RAP1GAP2: variants seen among roughly 807,000 people sequenced by gnomAD.
RAP1GAP2 encodes rap1 GTPase-activating protein 2.
A neutral mutation model predicts 95.0 loss-of-function variants in RAP1GAP2; 27 were observed. The observed-to-expected ratio is 0.28, with a 90% CI of 0.21 to 0.39. The LOEUF is 0.39. RAP1GAP2 is among the 10% of genes least tolerant of loss of function. The pLI is 1.00. For missense variants in RAP1GAP2, 771 were observed against 970.0 expected (o/e 0.79, Z 2.72); for synonymous variants, 373 against 380.9 (o/e 0.98, Z 0.24).
Position 2,951,093 on chromosome 17 carries a change from G to C in RAP1GAP2, c.166-6666G>C, listed in dbSNP as rs537720080. 2.0e-4 allele frequency among the ~76,000 whole-genome samples: 31 copies of C among 152,348 alleles called. 1 individual carries two copies. The South Asian group carries it at 6.4e-3, about 32-fold the overall frequency. ...CTAAATCACTCTGCATGACCTTGCA[G>C]CCGAAGCCTGAGTTCTGGGGTTCAG... On this transcript the variant is annotated intron_variant, in intron 3 of 24. Coordinates refer to ENST00000254695, the MANE Select transcript of RAP1GAP2 (RefSeq NM_015085.5).
chr17:2,915,128 C>T (rs1375847487), intron 3 of RAP1GAP2, among the ~76,000 whole-genome samples: 5 of 152,022 alleles, frequency 3.3e-5, no homozygotes, highest in African/African-American at 7.3e-5. Flanking sequence ...CTCACTATGT[C>T]GCCCGGGTTG....
At position 3,026,018 on chromosome 17, in the gene RAP1GAP2, T is replaced by TCCAGCACAC; in HGVS notation, c.1766_1774dup (p.Ser589_Pro591dup). 1 of 1,612,706 alleles carries TCCAGCACAC rather than the reference T, an allele frequency of 6.2e-7. No individual in the cohort carries two copies. The highest frequency in any genetic ancestry group is 8.5e-7 in the Non-Finnish European group (1 of 1,178,842). ...TTTCCATTCCCTCAGTGACAGCACA[T>TCCAGCACAC]CCAGCACACCCAAGACCCCAGATGG... On this transcript the variant is annotated inframe_insertion, in exon 20 of 25. Coordinates refer to ENST00000254695, the MANE Select transcript of RAP1GAP2 (RefSeq NM_015085.5).
chr17:2,922,390 G>A (rs565085318), intron 3 of RAP1GAP2, among the ~76,000 whole-genome samples: 3 of 152,238 alleles, frequency 2.0e-5, no homozygotes, highest in Admixed American at 6.5e-5. Flanking sequence ...CCCTTTTTCC[G>A]AATAAGGTTA....
intron 8 of RAP1GAP2, among the ~76,000 whole-genome samples, chr17:2,966,159 A>T (rs2151495830): frequency 6.6e-6 from 1 of 152,238 alleles, no homozygotes; most frequent in Non-Finnish European, 1.5e-5. Flanking sequence ...CTGGATTGTG[A>T]CCTTCTCAAG....
intron 2 of RAP1GAP2, among the ~76,000 whole-genome samples, chr17:2,843,322 G>C (rs2071446309): frequency 6.7e-6 from 1 of 149,914 alleles, no homozygotes; most frequent in African/African-American, 2.5e-5. Flanking sequence ...GTCTCGCTCT[G>C]TCGCCCAGGC....
chr17:3,017,044 G>A (rs1300433121), intron 17 of RAP1GAP2, among the ~76,000 whole-genome samples: 1 of 152,176 alleles, frequency 6.6e-6, no homozygotes, highest in Non-Finnish European at 1.5e-5. Context: ...TGGAGCCAGA[G>A]AGAGCATCAT....
chr17:2,993,633 T>G (rs747246055), intron 12 of RAP1GAP2, among the ~76,000 whole-genome samples: 25 of 149,004 alleles, frequency 1.7e-4, no homozygotes, highest in Non-Finnish European at 3.3e-4. Context: ...CACGAAACAC[T>G]TAAGTGCTGT....
intron 3 of RAP1GAP2, 44 bp from the exon 4 acceptor site, chr17:2,957,715 C>T (rs1454695108): frequency 6.3e-7 from 1 of 1,595,266 alleles, no homozygotes; most frequent in Admixed American, 1.7e-5. Context: ...TGTGGACCTC[C>T]CGGCTGATCC....
intron 13 of RAP1GAP2, among the ~76,000 whole-genome samples, chr17:2,996,046 C>T (rs1290608034): frequency 6.6e-6 from 1 of 152,176 alleles, no homozygotes; most frequent in East Asian, 1.9e-4. Context: ...TGGCTGGCTT[C>T]CTATAGAACA....
chr17:2,990,845 CT>C (rs34075979), intron 11 of RAP1GAP2, among the ~76,000 whole-genome samples: 43,560 of 128,188 alleles, frequency 0.34, 6,386 homozygotes, highest in South Asian at 0.46. Flanking sequence ...GTTCTTTATT[CT>C]TTTTTTTTTT....
upstream of RAP1GAP2, among the ~76,000 whole-genome samples, chr17:2,796,167 C>G (rs940299498): frequency 6.6e-6 from 1 of 152,132 alleles, no homozygotes; most frequent in African/African-American, 2.4e-5. The surrounding 1 kb of genome is among the most constrained non-coding windows in gnomAD (Gnocchi z 4.7). Context: ...CTGTGGGAAT[C>G]CTTGGGGCGC....
chr17:2,992,482 G>T lies in RAP1GAP2; in HGVS notation c.914+1085G>T, dbSNP rs906791532. The stretch of plus-strand genomic sequence containing the variant: ...GCTCAGTCTATGCTTTTTTAAGTGG[G>T]CAGTAAGATAGAACATTGGGGCCGT... On this transcript the variant is annotated intron_variant, in intron 12 of 24. Coordinates refer to ENST00000254695, the MANE Select transcript of RAP1GAP2 (RefSeq NM_015085.5). Among the ~76,000 whole-genome samples the T allele has an allele frequency of 6.6e-5, 10 of 152,198 alleles. No individual in the cohort carries two copies. The East Asian group carries it at 1.7e-3, about 27-fold the overall frequency.
chr17:2,831,647 G>A (rs767735599), intron 2 of RAP1GAP2, among the ~76,000 whole-genome samples: 5 of 151,578 alleles, frequency 3.3e-5, no homozygotes, highest in Non-Finnish European at 5.9e-5. Flanking sequence ...TCCCAGGACC[G>A]TAGGAGGCCA....
intron 3 of RAP1GAP2, among the ~76,000 whole-genome samples, chr17:2,923,066 A>C (rs1257771670): frequency 7.4e-6 from 1 of 135,510 alleles, no homozygotes; most frequent in Non-Finnish European, 1.6e-5. Context: ...TTTGAGATGG[A>C]GTCTTGCTCT....
intron 2 of RAP1GAP2, among the ~76,000 whole-genome samples, chr17:2,807,953 CG>C (rs1218960655): frequency 6.6e-6 from 1 of 152,168 alleles, no homozygotes; most frequent in Non-Finnish European, 1.5e-5. Context: ...CGCTGGCCTG[CG>C]CCCTGGGGTG....
At chr17:2,757,818 GC>G (rs1205300558) in intron 1 of RAP1GAP2, among the ~76,000 whole-genome samples, 1 of 152,074 alleles carries the variant, frequency 6.6e-6, no homozygotes, top group African/African-American at 2.4e-5. Flanking sequence ...CCCAACTCTT[GC>G]CCCTGGCACT....
chr17:2,963,925 C>T lies in RAP1GAP2; in HGVS notation c.349C>T (p.Pro117Ser). The change falls in exon 7 of 25, where the codon CCG becomes TCG. Residue 117 changes from proline to serine, a missense_variant. Transcript: ENST00000254695. This position sits in a 1 kb window ranked among gnomAD's most constrained non-coding sequence, Gnocchi z 4.8. ...GTTTGGGGGCTATTGGATCGAGGACCCGGAGAACGTGGGCACCCCAACATC... is the reference window on the plus strand; with the variant it reads ...GTTTGGGGGCTATTGGATCGAGGACTCGGAGAACGTGGGCACCCCAACATC... ...PQFGGYWIED[P>S]ENVGTPTSLG... is the part of the protein sequence containing the mutation. The T allele has an allele frequency of 6.2e-7, 1 of 1,613,314 alleles. No individual in the cohort carries two copies. The highest frequency in any genetic ancestry group is 8.5e-7 in the Non-Finnish European group (1 of 1,179,762).
At chr17:2,923,020 C>T (rs1201769986) in intron 3 of RAP1GAP2, among the ~76,000 whole-genome samples, 2 of 139,890 alleles carry the variant, frequency 1.4e-5, no homozygotes, top group African/African-American at 5.6e-5. Flanking sequence ...GGATTACAGG[C>T]GTCCACCACC....
chr17:2,790,041 G>A (rs1490620492), intron 1 of RAP1GAP2, among the ~76,000 whole-genome samples: 2 of 151,996 alleles, frequency 1.3e-5, no homozygotes, highest in Non-Finnish European at 2.9e-5. Flanking sequence ...CTTCACTAAT[G>A]TGGGGTTGCT....
Sources: allele counts gnomAD v4.1 joint callset (sites outside exome capture counted in the v4.1 genomes callset), GRCh38; gene constraint gnomAD v4.1.1; non-coding constraint Gnocchi (gnomAD v3.1); transcripts MANE v1.5; gene names NCBI Gene and HGNC (gene_info 2026-07-23, HGNC 2026-07-21).